The following RERE variants were observed in gnomAD, a reference collection of about 807,000 sequenced individuals.
RERE encodes arginine-glutamic acid dipeptide repeats, also known as arginine-glutamic acid dipeptide repeats protein.
Under a neutral mutation model 146.1 loss-of-function variants are expected in RERE, and 40 were observed. That is an observed-to-expected ratio of 0.27 (90% CI 0.21 to 0.36). The LOEUF (loss-of-function observed/expected upper bound fraction) is 0.36. Among genes scored for constraint, RERE ranks in the 10% least tolerant of loss-of-function variants. The pLI is 1.00. For missense variants in RERE, 1,933 were observed against 2,138.7 expected, an observed-to-expected ratio of 0.90 and a Z score of 1.90; for synonymous variants, 1,003 against 866.0, an observed-to-expected ratio of 1.16 and a Z score of -2.78.
intron 1 of RERE, among the ~76,000 whole-genome samples, chr1:8,778,601 C>T (rs113735273): frequency 7.3e-4 from 111 of 152,212 alleles, no homozygotes; most frequent in African/African-American, 2.6e-3. Context: ...CTTCGGGAAG[C>T]CGAGGCAGAA....
chr1:8,794,177 C>T (rs981236867), intron 1 of RERE, among the ~76,000 whole-genome samples: 1 of 149,622 alleles, frequency 6.7e-6, no homozygotes, highest in Non-Finnish European at 1.5e-5. Flanking sequence ...GTGGGCAGAT[C>T]ATGAGGTCAG....
chr1:8,590,727 C>T (rs1355679256), intron 4 of RERE: 1 of 152,232 alleles, frequency 6.6e-6, no homozygotes, highest in Admixed American at 6.5e-5. Context: ...CTTCCAGGCA[C>T]ACTGTCTGTT....
chr1:8,558,532 C>T (rs148413950), intron 4 of RERE, among the ~76,000 whole-genome samples: 1 of 152,242 alleles, frequency 6.6e-6, no homozygotes, highest in African/African-American at 2.4e-5. Context: ...TGAATGAGAG[C>T]TAAAATTCAA....
intron 11 of RERE, among the ~76,000 whole-genome samples, chr1:8,440,235 T>A (rs1280187953): frequency 4.6e-5 from 7 of 152,204 alleles, no homozygotes; most frequent in African/African-American, 1.2e-4. Context: ...CAGCACTGAG[T>A]GCACAGTTCT....
intron 2 of RERE, among the ~76,000 whole-genome samples, chr1:8,641,581 A>G (rs1183952743): frequency 1.3e-5 from 2 of 152,108 alleles, no homozygotes; most frequent in East Asian, 3.9e-4. Context: ...TGGCTTGGAG[A>G]GTCAAACCAA....
chr1:8,418,564 T>A (rs1002215237), intron 12 of RERE, among the ~76,000 whole-genome samples: 1 of 152,156 alleles, frequency 6.6e-6, no homozygotes, highest in African/African-American at 2.4e-5. Context: ...GACACAGCTA[T>A]AAACAAAGGC....
At chr1:8,401,514 C>G (rs1407952697) in intron 12 of RERE, among the ~76,000 whole-genome samples, 1 of 152,096 alleles carries the variant, frequency 6.6e-6, no homozygotes, top group Non-Finnish European at 1.5e-5. Context: ...AATCCCAGCA[C>G]TTTGGGAGGT....
chr1:8,586,226 T>C (rs1487388145), intron 4 of RERE, among the ~76,000 whole-genome samples: 2 of 152,146 alleles, frequency 1.3e-5, no homozygotes, highest in East Asian at 3.9e-4. Context: ...AGAAGACATA[T>C]CATATGCATA....
At chr1:8,394,803 ATATAT>A (rs1433079751) in intron 12 of RERE, among the ~76,000 whole-genome samples, 2 of 152,140 alleles carry the variant, frequency 1.3e-5, no homozygotes, top group African/African-American at 2.4e-5. Flanking sequence ...TAGTATATAT[ATATAT>A]TATATCTCCA....
chr1:8,545,996 T>A (rs1557680954), intron 6 of RERE, among the ~76,000 whole-genome samples: 1 of 140,126 alleles, frequency 7.1e-6, no homozygotes, highest in Non-Finnish European at 1.5e-5. Flanking sequence ...TTTTTTTTTT[T>A]TTTTTTTTTT....
chr1:8,405,485 A>G (rs1457314562), intron 12 of RERE, among the ~76,000 whole-genome samples: 1 of 152,276 alleles, frequency 6.6e-6, no homozygotes, highest in Non-Finnish European at 1.5e-5. Flanking sequence ...TAAGTTTTAA[A>G]TAGTCATAAA....
intron 12 of RERE, among the ~76,000 whole-genome samples, chr1:8,371,625 C>G (rs979213003): frequency 6.6e-6 from 1 of 152,216 alleles, no homozygotes; most frequent in Non-Finnish European, 1.5e-5. Context: ...TCCTCAGCCA[C>G]CACTTTATTT....
chr1:8,811,281 C>T (rs1641802065), intron 1 of RERE, among the ~76,000 whole-genome samples: 2 of 152,204 alleles, frequency 1.3e-5, no homozygotes, highest in South Asian at 4.1e-4. Flanking sequence ...TACTCCCTTG[C>T]TTCCCACCCC....
At chr1:8,712,007 A>AT (rs1171263591) in intron 1 of RERE, among the ~76,000 whole-genome samples, 1 of 152,234 alleles carries the variant, frequency 6.6e-6, no homozygotes, top group Non-Finnish European at 1.5e-5. Flanking sequence ...AATGAGTACC[A>AT]TTTGCCAGTC....
At position 8,401,819 on chromosome 1, in the gene RERE, T is replaced by C. The variant is rs1643271420; in HGVS notation, c.1284+20908A>G. ...ATGTGAATTGGACTTAGTGACTGCT[T>C]TGTAAACAATACAACACAGTGTAAG... On this transcript the variant is annotated intron_variant, in intron 12 of 22. Coordinates refer to ENST00000400908, the MANE Select transcript of RERE (RefSeq NM_001042681.2). Among the ~76,000 whole-genome samples the C allele has an allele frequency of 2.0e-5, 3 of 152,296 alleles. No individual in the cohort carries two copies. The South Asian group carries it at 6.2e-4, about 32-fold the overall frequency.
At chr1:8,583,695 T>A (rs1470838628) in intron 4 of RERE, among the ~76,000 whole-genome samples, 1 of 151,672 alleles carries the variant, frequency 6.6e-6, no homozygotes, top group East Asian at 1.9e-4. Context: ...TTTAAATTAA[T>A]TAAATAATTT....
At position 8,423,049 on chromosome 1, in the gene RERE, G is replaced by A. The variant is rs1023004984; in HGVS notation, c.1204-242C>T. On this transcript the variant is annotated intron_variant, in intron 11 of 22. Coordinates refer to ENST00000400908, the MANE Select transcript of RERE (RefSeq NM_001042681.2). This position sits in a 1 kb window ranked among gnomAD's most constrained non-coding sequence, Gnocchi z 5.4. ...CGCAGGGCAGCGCGTTTAAGAGAAG[G>A]ACGTCCTGCGTCTGAGGCTAAGAAG... 16 of 487,312 alleles carry A rather than the reference G, an allele frequency of 3.3e-5. No individual in the cohort carries two copies. In the South Asian group the frequency reaches 3.5e-4, roughly 11 times the overall value. The allele number at this position is 487,312 out of a possible 1,614,324, so 30.2% of individuals were successfully genotyped here. A position where few individuals can be genotyped will look rare whatever the true frequency, so the allele number is the denominator to read the frequency against.
At chr1:8,406,231 A>C (rs1643434486) in intron 12 of RERE, among the ~76,000 whole-genome samples, 1 of 151,778 alleles carries the variant, frequency 6.6e-6, no homozygotes, top group Non-Finnish European at 1.5e-5. Context: ...ACACCTGGCT[A>C]ATTTTTTTAT....
At chr1:8,604,379 A>C (rs982094512) in intron 4 of RERE, among the ~76,000 whole-genome samples, 2 of 152,092 alleles carry the variant, frequency 1.3e-5, no homozygotes, top group African/African-American at 2.4e-5. Flanking sequence ...AAAACTAAAA[A>C]GAATAGACAG....
Sources: allele counts gnomAD v4.1 joint callset (sites outside exome capture counted in the v4.1 genomes callset), GRCh38; gene constraint gnomAD v4.1.1; non-coding constraint Gnocchi (gnomAD v3.1); transcripts MANE v1.5; gene names NCBI Gene and HGNC (gene_info 2026-07-23, HGNC 2026-07-21).